The following LGR5 variants were observed in gnomAD, a reference collection of about 807,000 sequenced individuals.
The protein encoded by LGR5 is leucine-rich repeat-containing G protein-coupled receptor 5.
A neutral mutation model predicts 76.7 loss-of-function variants in LGR5; 54 were observed. The ratio of observed to expected loss-of-function variants is 0.70; its 90% CI spans 0.57 to 0.88. LGR5 has a LOEUF of 0.88. LGR5 is among the 40% of genes least tolerant of loss of function. LGR5 has a pLI of 0.00. For synonymous variants in LGR5, 406 were observed against 421.9 expected, an observed-to-expected ratio of 0.96 and a Z score of 0.46; for missense variants, 1,078 against 1,073.3, an observed-to-expected ratio of 1.00 and a Z score of -0.06.
intron 2 of LGR5, among the ~76,000 whole-genome samples, chr12:71,516,469 C>T (rs1875445113): frequency 6.6e-6 from 1 of 152,112 alleles, no homozygotes; most frequent in Non-Finnish European, 1.5e-5. Flanking sequence ...ACAATAATTT[C>T]CCAAGGGTCT....
intron 1 of LGR5, among the ~76,000 whole-genome samples, chr12:71,499,828 T>C (rs1592493389): frequency 6.6e-6 from 1 of 152,120 alleles, no homozygotes; most frequent in South Asian, 2.1e-4. Context: ...CCTTTTTGGG[T>C]AGCAGTGGCT....
intron 3 of LGR5, among the ~76,000 whole-genome samples, chr12:71,526,003 A>T (rs1441751280): frequency 6.6e-6 from 1 of 152,092 alleles, no homozygotes; most frequent in Non-Finnish European, 1.5e-5. Flanking sequence ...ACAATGCACT[A>T]AAGATCTATG....
In LGR5 at chr12:71,584,036, G is replaced by A. The variant is rs761776610; in HGVS notation, c.2026G>A (p.Ala676Thr). Residue 676 changes from alanine to threonine, a missense_variant, in exon 18 of 18, where the codon GCT (alanine) becomes ACT (threonine). Physicochemically the swap from Ala to Thr is moderately conservative, Grantham distance 58 (BLOSUM62 0). Transcript: ENST00000266674. ...ATATTCTGCAAAATTTGAAACGAAA[G>A]CTCCATTTTCTAGCCTGAAAGTAAT... ...VKYSAKFETK[A>T]PFSSLKVIIL... 6.2e-7 allele frequency: 1 copy of A among 1,614,210 alleles called. No homozygotes were observed.
intron 2 of LGR5, among the ~76,000 whole-genome samples, chr12:71,511,829 G>T (rs975067249): frequency 1.3e-5 from 2 of 151,910 alleles, no homozygotes; most frequent in Non-Finnish European, 2.9e-5. Flanking sequence ...ACTTGTGCCT[G>T]CCCTGTCATT....
intron 4 of LGR5, among the ~76,000 whole-genome samples, chr12:71,536,008 G>C (rs1014023047): frequency 2.0e-5 from 3 of 152,200 alleles, no homozygotes; most frequent in African/African-American, 7.2e-5. Context: ...TATTTAGTCA[G>C]TAAATCTTCC....
chr12:71,451,752 C>T (rs1448122807), intron 1 of LGR5, among the ~76,000 whole-genome samples: 1 of 152,158 alleles, frequency 6.6e-6, no homozygotes. Flanking sequence ...CCATGTTTTT[C>T]ATTTTCTCTA....
chr12:71,452,417 T>C (rs1330479140), intron 1 of LGR5, among the ~76,000 whole-genome samples: 2 of 152,242 alleles, frequency 1.3e-5, no homozygotes, highest in African/African-American at 4.8e-5. Context: ...TCTGTTCCCC[T>C]AAACTCTACG....
At chr12:71,529,444 C>T (rs1876187440) in intron 3 of LGR5, among the ~76,000 whole-genome samples, 1 of 152,102 alleles carries the variant, frequency 6.6e-6, no homozygotes, top group South Asian at 2.1e-4. Flanking sequence ...AGAAAGCGCC[C>T]CCATGATTCA....
At chr12:71,520,772 C>G (rs899058717) in intron 2 of LGR5, among the ~76,000 whole-genome samples, 1 of 151,978 alleles carries the variant, frequency 6.6e-6, no homozygotes, top group Non-Finnish European at 1.5e-5. Context: ...ATGTAAATAA[C>G]GAGTTGATGA....
intron 3 of LGR5, among the ~76,000 whole-genome samples, chr12:71,524,759 C>A (rs1330518357): frequency 6.6e-6 from 1 of 151,966 alleles, no homozygotes; most frequent in Non-Finnish European, 1.5e-5. Context: ...TTTCCCTTTC[C>A]CTTTGTGTTA....
chr12:71,510,164 A>G (rs1239823945), intron 2 of LGR5, among the ~76,000 whole-genome samples: 1 of 152,200 alleles, frequency 6.6e-6, no homozygotes, highest in Non-Finnish European at 1.5e-5. Flanking sequence ...ATGCCCATGA[A>G]TAATCTTCAG....
intron 15 of LGR5, among the ~76,000 whole-genome samples, chr12:71,579,697 A>G (rs922827590): frequency 2.0e-5 from 3 of 152,164 alleles, no homozygotes; most frequent in African/African-American, 4.8e-5. Context: ...ATTATTGACT[A>G]CAGTCACCCT....
intron 3 of LGR5, among the ~76,000 whole-genome samples, chr12:71,529,187 G>A (rs1230707898): frequency 2.0e-5 from 3 of 151,908 alleles, no homozygotes; most frequent in Non-Finnish European, 2.9e-5. Flanking sequence ...ATTACATATC[G>A]TATTAGTCCA....
Position 71,584,974 on chromosome 12 carries a change from G to A in LGR5, c.*240G>A, listed in dbSNP as rs891611472. On this transcript the variant is annotated 3_prime_UTR_variant, in exon 18 of 18. Coordinates refer to ENST00000266674, the MANE Select transcript of LGR5 (RefSeq NM_003667.4). ...GATAGATCGATCACACTATTTAAGT[G>A]AGCCCAGATCAAAAAAGCAGATTGA... 9.0e-6 allele frequency: 4 copies of A among 443,108 alleles called. No individual in the cohort carries two copies. Among genetic ancestry groups the A allele is most frequent in the Non-Finnish European group, 1.2e-5 (3 of 252,122 alleles). The allele number at this position is 443,108 out of a possible 1,614,324, so 27.4% of individuals were successfully genotyped here.
chr12:71,578,233 GT>G (rs1472919047), intron 14 of LGR5, among the ~76,000 whole-genome samples: 2 of 152,188 alleles, frequency 1.3e-5, no homozygotes, highest in Non-Finnish European at 2.9e-5. Context: ...TTCAGCTGAA[GT>G]TTTTTATTTG....
At chr12:71,446,323 T>A (rs1871989036) in intron 1 of LGR5, among the ~76,000 whole-genome samples, 1 of 152,224 alleles carries the variant, frequency 6.6e-6, no homozygotes, top group Admixed American at 6.5e-5. Context: ...TTTTAACACA[T>A]GCCATGATTT....
At chr12:71,527,028 T>C (rs1345852038) in intron 3 of LGR5, among the ~76,000 whole-genome samples, 1 of 152,028 alleles carries the variant, frequency 6.6e-6, no homozygotes, top group African/African-American at 2.4e-5. Flanking sequence ...AGGGATCCCA[T>C]ATGTTAAGTC....
intron 1 of LGR5, among the ~76,000 whole-genome samples, chr12:71,460,849 C>G (rs762501891): frequency 7.9e-5 from 12 of 152,118 alleles, no homozygotes; most frequent in Non-Finnish European, 1.5e-4. Context: ...CTTACTTCTC[C>G]ACATCTTTGC....
At chr12:71,453,038 T>A (rs1872311843) in intron 1 of LGR5, among the ~76,000 whole-genome samples, 1 of 152,202 alleles carries the variant, frequency 6.6e-6, no homozygotes, top group South Asian at 2.1e-4. Flanking sequence ...TTGCCCTGAA[T>A]GTTTAAAAGT....
Sources: gnomAD v4.1 joint callset for allele counts (sites outside exome capture counted in the v4.1 genomes callset) on GRCh38, gnomAD v4.1.1 for gene constraint, MANE v1.5 for transcripts, NCBI Gene and HGNC (gene_info 2026-07-23, HGNC 2026-07-21) for gene names.